KLF8: variants seen among roughly 807,000 people sequenced by gnomAD.
KLF8 encodes the protein KLF transcription factor 8.
In KLF8, 10 loss-of-function variants were observed where a neutral mutation model predicts 18.2. The observed-to-expected ratio is 0.55, with a 90% confidence interval of 0.34 to 0.93. The LOEUF (loss-of-function observed/expected upper bound fraction) is 0.93. Ranked by LOEUF, KLF8 falls within the 40% of genes least tolerant of loss-of-function variation. The pLI, the probability that KLF8 is intolerant of heterozygous loss-of-function variation, is 0.02. For synonymous variants in KLF8, 109 were observed against 97.3 expected, an observed-to-expected ratio of 1.12 and a Z score of -0.71; for missense variants, 264 against 277.9, an observed-to-expected ratio of 0.95 and a Z score of 0.36.
At chrX:55,944,794 T>C in the KLF8 span, among the ~76,000 whole-genome samples, 1 of 111,553 alleles carries the variant, frequency 9.0e-6, no homozygotes, top group African/African-American at 3.3e-5. Flanking sequence ...CCTGTATTCA[T>C]TAATTTTTTG....
At chrX:56,251,229 A>C (rs1569180354) in intron 2 of KLF8, among the ~76,000 whole-genome samples, 1 of 112,033 alleles carries the variant, frequency 8.9e-6, no homozygotes, top group Non-Finnish European at 1.9e-5. Flanking sequence ...CTAGATGTTG[A>C]AGTCCCGTCT....
the KLF8 span, among the ~76,000 whole-genome samples, chrX:56,137,235 C>A: frequency 9.2e-6 from 1 of 109,197 alleles, no homozygotes; most frequent in African/African-American, 3.3e-5. Flanking sequence ...TACCATTTGA[C>A]CCAGCCATCC....
the KLF8 span, among the ~76,000 whole-genome samples, chrX:56,119,622 G>A: frequency 2.2e-3 from 242 of 109,767 alleles, 2 homozygotes; most frequent in Non-Finnish European, 4.2e-4. Context: ...GGCTGGTCTC[G>A]AACTCCTGAC....
chrX:55,938,724 C>A, the KLF8 span, among the ~76,000 whole-genome samples: 39 of 110,864 alleles, frequency 3.5e-4, no homozygotes, highest in East Asian at 9.4e-3. Context: ...GGGTTGCAAT[C>A]CTAGTCTCGG....
the KLF8 span, among the ~76,000 whole-genome samples, chrX:56,032,561 T>C: frequency 2.7e-5 from 3 of 112,103 alleles, no homozygotes; most frequent in Non-Finnish European, 5.6e-5. Context: ...CATTATAAAC[T>C]GTTATATAAG....
At chrX:56,072,939 G>A in the KLF8 span, among the ~76,000 whole-genome samples, 3 of 110,767 alleles carry the variant, frequency 2.7e-5, no homozygotes, top group Non-Finnish European at 5.7e-5. Context: ...TTATATAAGG[G>A]GAATCATACA....
At chrX:56,156,664 C>T in the KLF8 span, among the ~76,000 whole-genome samples, 1 of 108,555 alleles carries the variant, frequency 9.2e-6, no homozygotes, top group South Asian at 4.1e-4. Flanking sequence ...TGTTGGTGTG[C>T]TGCACCCATT....
chrX:56,277,581 C>T (rs765682646), intron 5 of KLF8, among the ~76,000 whole-genome samples: 2 of 112,173 alleles, frequency 1.8e-5, no homozygotes, highest in East Asian at 2.8e-4. Context: ...CACCACCACT[C>T]GGACGTGCTA....
rs1408752914 is a variant in KLF8, at chrX:56,233,044, C to T, written c.-291C>T. The T allele has an allele frequency of 5.5e-6, 2 of 360,566 alleles. No individual in the cohort carries two copies. The highest frequency in any genetic ancestry group is 9.8e-6 in the Non-Finnish European group (2 of 204,815). The allele number at this position is 360,566 out of a possible 1,213,427, so 29.7% of individuals were successfully genotyped here. A position where few individuals can be genotyped will look rare whatever the true frequency, so the allele number is the denominator to read the frequency against. On this transcript the variant is annotated 5_prime_UTR_variant, in exon 1 of 6. Transcript: ENST00000468660. ...ATTCTTTTTAGGAAGTCTACTCTGC[C>T]GGCCCCTGATTTTTGGGTTGGATGC...
the KLF8 span, among the ~76,000 whole-genome samples, chrX:56,191,395 T>C: frequency 9.0e-6 from 1 of 111,478 alleles, no homozygotes; most frequent in African/African-American, 3.3e-5. Context: ...GAAGAACAAA[T>C]ACCACTCCTA....
At chrX:56,085,624 C>A in the KLF8 span, among the ~76,000 whole-genome samples, 1 of 111,985 alleles carries the variant, frequency 8.9e-6, no homozygotes. Context: ...TGGACATACT[C>A]AGAAATAATG....
chrX:56,046,974 TTCTCTTC>T, the KLF8 span, among the ~76,000 whole-genome samples: 1 of 111,807 alleles, frequency 8.9e-6, no homozygotes, highest in Non-Finnish European at 1.9e-5. Context: ...ACTTTTAGAT[TTCTCTTC>T]TCTCTCATGA....
rs1170436591 is a variant in KLF8, at chrX:56,267,268, G to A, written c.646+1524G>A. On this transcript the variant is annotated intron_variant, in intron 3 of 5. Coordinates refer to ENST00000468660, the MANE Select transcript of KLF8 (RefSeq NM_007250.5). Reference sequence around the variant, plus strand: ...TCATGCTGCTGATAAAGACATACTCGAGACTGGGAAGAAAAAGAGGTTTAA... The same window carrying A: ...TCATGCTGCTGATAAAGACATACTCAAGACTGGGAAGAAAAAGAGGTTTAA... The A allele has an allele frequency of 8.9e-6, 6 of 676,431 alleles. No individual in the cohort carries two copies. The South Asian group carries it at 3.1e-4, about 35-fold the overall frequency. The allele number at this position is 676,431 out of a possible 1,213,427, so 55.7% of individuals were successfully genotyped here.
chrX:56,236,051 G>C (rs764400114), intron 1 of KLF8, among the ~76,000 whole-genome samples: 8 of 111,984 alleles, frequency 7.1e-5, no homozygotes, highest in Non-Finnish European at 1.5e-4. Flanking sequence ...AAATAGATGT[G>C]ATGTGGGCAA....
chrX:56,186,312 A>T, the KLF8 span, among the ~76,000 whole-genome samples: 8 of 111,998 alleles, frequency 7.1e-5, no homozygotes, highest in East Asian at 2.8e-4. Flanking sequence ...GATCAATTCA[A>T]CAAGAACAGC....
the KLF8 span, among the ~76,000 whole-genome samples, chrX:56,056,831 T>TAAAAAAA: frequency 1.6e-5 from 1 of 62,731 alleles, no homozygotes; most frequent in Non-Finnish European, 3.1e-5. Flanking sequence ...ATTGCAGGTG[T>TAAAAAAA]AAAAAAAAAA....
At chrX:56,276,644 T>C (rs758171235) in intron 5 of KLF8, among the ~76,000 whole-genome samples, 55 of 111,691 alleles carry the variant, frequency 4.9e-4, no homozygotes, top group Middle Eastern at 9.3e-3. Flanking sequence ...GTGTATGTTA[T>C]TTCTTTCTTT....
chrX:56,047,665 G>T, the KLF8 span, among the ~76,000 whole-genome samples: 7 of 111,185 alleles, frequency 6.3e-5, no homozygotes, highest in South Asian at 3.8e-4. Context: ...CAGTCTATCA[G>T]TGTTGGACAT....
the KLF8 span, among the ~76,000 whole-genome samples, chrX:56,190,866 A>T: frequency 2.7e-5 from 3 of 111,656 alleles, no homozygotes; most frequent in Admixed American, 1.9e-4. Context: ...TCAAAAGACA[A>T]GGTAAGCTTT....
Sources: gnomAD v4.1 joint callset for allele counts (sites outside exome capture counted in the v4.1 genomes callset) on GRCh38, gnomAD v4.1.1 for gene constraint, MANE v1.5 for transcripts, NCBI Gene and HGNC (gene_info 2026-07-23, HGNC 2026-07-21) for gene names.